Variants in MBTD1 observed in about 807,000 individuals in gnomAD.
The protein encoded by MBTD1 is MBT domain-containing protein 1.
MBTD1 carries 24 observed loss-of-function variants against 87.8 expected under a neutral mutation model. That is an observed-to-expected ratio of 0.27 (90% CI 0.20 to 0.38). The LOEUF (loss-of-function observed/expected upper bound fraction) is 0.38, where lower values mean the gene tolerates loss of function less well. Ranked by LOEUF, MBTD1 falls within the 10% of genes least tolerant of loss-of-function variation. MBTD1 has a pLI of 1.00. For synonymous variants in MBTD1, 237 were observed against 248.6 expected, an observed-to-expected ratio of 0.95 and a Z score of 0.44; for missense variants, 436 against 760.2, an observed-to-expected ratio of 0.57 and a Z score of 5.02.
intron 2 of MBTD1, among the ~76,000 whole-genome samples, chr17:51,229,303 T>C (rs920655238): frequency 1.3e-5 from 2 of 152,186 alleles, no homozygotes; most frequent in African/African-American, 4.8e-5. Flanking sequence ...ATACAGTTTT[T>C]TTTTTAATCC....
intron 2 of MBTD1, among the ~76,000 whole-genome samples, chr17:51,228,824 G>A (rs540171069): frequency 1.3e-5 from 2 of 148,378 alleles, no homozygotes; most frequent in South Asian, 4.4e-4. Context: ...CTTGAACCCG[G>A]GAGGCAGAGA....
chr17:51,224,385 T>C (rs1158398763), intron 3 of MBTD1, among the ~76,000 whole-genome samples: 2 of 152,162 alleles, frequency 1.3e-5, no homozygotes, highest in East Asian at 1.9e-4. Flanking sequence ...GGATTAGAAT[T>C]ATTCTGTGTA....
intron 2 of MBTD1, among the ~76,000 whole-genome samples, chr17:51,228,635 G>A (rs1402120831): frequency 6.6e-6 from 1 of 151,822 alleles, no homozygotes; most frequent in Non-Finnish European, 1.5e-5. Flanking sequence ...GGGAGGCTGG[G>A]CGCGGTGGGT....
chr17:51,179,483 TTTATATATATATATATATATA>T lies in MBTD1; in HGVS notation c.*1072_*1092del, dbSNP rs1459160087. The T allele has an allele frequency of 3.2e-4, 12 of 37,052 alleles. No homozygotes were observed. Among genetic ancestry groups the T allele is most frequent in the African/African-American group, 1.3e-3 (8 of 6,124 alleles). 2.3% of individuals were successfully genotyped at this position (37,052 alleles called of 1,614,324 possible). On this transcript the variant is annotated 3_prime_UTR_variant, in exon 17 of 17. Transcript: ENST00000586178. ...AATCCTGAATACAATTAAAGACAATTTTATATATATATATATATATATATATATATATATATATATATATAT... is the reference window on the plus strand; with the variant it reads ...AATCCTGAATACAATTAAAGACAATTTATATATATATATATATATATATAT...
rs1033280997 is a variant in MBTD1, at chr17:51,259,837, G to C, written c.-115C>G. ...CGGCTGCCGCGCTCGGCTCTCACCAGATCCTTTGTGTTTTCCATCAGGGCC... is the reference window on the plus strand; with the variant it reads ...CGGCTGCCGCGCTCGGCTCTCACCACATCCTTTGTGTTTTCCATCAGGGCC... On this transcript the variant is annotated splice_region_variant and 5_prime_UTR_variant, in exon 1 of 17. The change creates a new upstream start codon in the 5' untranslated region. Transcript: ENST00000586178. 2 of 1,232,052 alleles carry C rather than the reference G, an allele frequency of 1.6e-6. No homozygotes were observed. The highest frequency in any genetic ancestry group is 2.0e-6 in the Non-Finnish European group (2 of 988,048). 76.3% of individuals were successfully genotyped at this position (1,232,052 alleles called of 1,614,324 possible).
rs79541119 is a variant in MBTD1, at chr17:51,239,100, A to C, written c.-48-13891T>G. Among the ~76,000 whole-genome samples, 25 of 22,006 alleles carry C rather than the reference A, an allele frequency of 1.1e-3. 1 individual carries two copies. Among genetic ancestry groups the C allele is most frequent in the African/African-American group, 8.1e-3 (25 of 3,072 alleles). 14.4% of individuals were successfully genotyped at this position (22,006 alleles called of 152,430 possible). A position where few individuals can be genotyped will look rare whatever the true frequency, so the allele number is the denominator to read the frequency against. On this transcript the variant is annotated intron_variant, in intron 2 of 16. Transcript: ENST00000586178. ...GGGCGACCAAGCGAGTCTCCATCTC[A>C]AAAAAAAAAAAAAGTCAATGAACTG...
At chr17:51,247,413 T>C (rs956989374) in intron 2 of MBTD1, among the ~76,000 whole-genome samples, 1 of 151,838 alleles carries the variant, frequency 6.6e-6, no homozygotes, top group African/African-American at 2.4e-5. Context: ...TTTTGAGCTA[T>C]CTTGATCAGG....
chr17:51,185,333 T>C (rs2050487109), intron 16 of MBTD1: 2 of 152,226 alleles, frequency 1.3e-5, no homozygotes, highest in Non-Finnish European at 2.9e-5. Flanking sequence ...TCATCATACC[T>C]AAGTGAAGTT....
chr17:51,255,134 A>C (rs1293909999), intron 2 of MBTD1, among the ~76,000 whole-genome samples: 1 of 152,070 alleles, frequency 6.6e-6, no homozygotes, highest in Non-Finnish European at 1.5e-5. Flanking sequence ...TACAAAAATG[A>C]ACTGGGTGTG....
chr17:51,186,769 C>T (rs140850314), intron 16 of MBTD1, among the ~76,000 whole-genome samples: 2 of 150,024 alleles, frequency 1.3e-5, no homozygotes, highest in Non-Finnish European at 3.0e-5. Flanking sequence ...GCAAGACTCT[C>T]GTCTCAAAAA....
chr17:51,249,724 T>G (rs1378969691), intron 2 of MBTD1: 4 of 151,376 alleles, frequency 2.6e-5, no homozygotes, highest in African/African-American at 9.8e-5. Flanking sequence ...TTTAAAAATT[T>G]CTCTCAGTAT....
At chr17:51,212,653 G>GA (rs11420890) in intron 6 of MBTD1, among the ~76,000 whole-genome samples, 151,028 of 151,098 alleles carry the variant, frequency 1, 75,479 homozygotes, top group Middle Eastern at 1. Flanking sequence ...CAATACCCAG[G>GA]AAAAAAAAAG....
intron 11 of MBTD1, among the ~76,000 whole-genome samples, 157 bp from the exon 12 acceptor site, chr17:51,201,853 T>C (rs7213406): frequency 1.5e-3 from 230 of 152,260 alleles, no homozygotes; most frequent in African/African-American, 5.2e-3. Flanking sequence ...TTCAGACAAA[T>C]AGAATTTAAG....
At chr17:51,248,784 G>A (rs918276125) in intron 2 of MBTD1, among the ~76,000 whole-genome samples, 1 of 152,146 alleles carries the variant, frequency 6.6e-6, no homozygotes, top group African/African-American at 2.4e-5. Flanking sequence ...AAGCTGCCAC[G>A]AAAATTCTTG....
intron 2 of MBTD1, among the ~76,000 whole-genome samples, chr17:51,236,505 A>G (rs2053845626): frequency 6.6e-6 from 1 of 152,162 alleles, no homozygotes; most frequent in African/African-American, 2.4e-5. Context: ...TCAGCTTTCC[A>G]AAGTGCTGGG....
At chr17:51,231,273 A>G (rs2053537728) in intron 2 of MBTD1, among the ~76,000 whole-genome samples, 1 of 152,126 alleles carries the variant, frequency 6.6e-6, no homozygotes, top group East Asian at 1.9e-4. Flanking sequence ...AGGCTTGTCT[A>G]CTATTAATAT....
At chr17:51,210,255 TACTGGGATTACAGGCATGAGCC>T (rs2052099705) in intron 6 of MBTD1, among the ~76,000 whole-genome samples, 1 of 152,028 alleles carries the variant, frequency 6.6e-6, no homozygotes, top group South Asian at 2.1e-4. Context: ...CCTCCCAAAG[TACTGGGATTACAGGCATGAGCC>T]ACTGTGCCTG....
At chr17:51,214,472 T>C (rs2052453027) in intron 6 of MBTD1, among the ~76,000 whole-genome samples, 1 of 152,106 alleles carries the variant, frequency 6.6e-6, no homozygotes, top group South Asian at 2.1e-4. Flanking sequence ...AAAGAAGAAT[T>C]ATATTCTTGA....
At position 51,239,261 on chromosome 17, in the gene MBTD1, CTTT is replaced by C. The variant is rs905279768; in HGVS notation, c.-48-14055_-48-14053del. On this transcript the variant is annotated intron_variant, in intron 2 of 16. Transcript: ENST00000586178. ...ATGTCTATTTGTATCAACTAATACACTTTTTATTTTTCATAAAACTTAATTCAT... is the reference window on the plus strand; with the variant it reads ...ATGTCTATTTGTATCAACTAATACACTTATTTTTCATAAAACTTAATTCAT... 2.0e-5 allele frequency among the ~76,000 whole-genome samples: 3 copies of C among 152,138 alleles called. No individual in the cohort carries two copies. In the East Asian group the frequency reaches 5.8e-4, roughly 29 times the overall value.
Sources: gnomAD v4.1 joint callset for allele counts (sites outside exome capture counted in the v4.1 genomes callset) on GRCh38, gnomAD v4.1.1 for gene constraint, MANE v1.5 for transcripts, NCBI Gene and HGNC (gene_info 2026-07-23, HGNC 2026-07-21) for gene names.